KIRREL1: variants seen among roughly 807,000 people sequenced by gnomAD.
KIRREL1 encodes kin of IRRE-like protein 1.
Under a neutral mutation model 83.3 loss-of-function variants are expected in KIRREL1, and 25 were observed. The observed-to-expected ratio is 0.30, with a 90% CI of 0.22 to 0.42. KIRREL1 has a LOEUF of 0.42. KIRREL1 is among the 10% of genes least tolerant of loss of function. KIRREL1 has a pLI of 1.00. For missense variants in KIRREL1, 812 were observed against 1,032.3 expected (o/e 0.79, Z 2.92); for synonymous variants, 388 against 410.4 (o/e 0.95, Z 0.66).
intron 5 of KIRREL1, 93 bp downstream of exon 5, chr1:158,086,839 G>C (rs1012346907): frequency 4.1e-6 from 5 of 1,217,074 alleles, no homozygotes; most frequent in Non-Finnish European, 5.8e-6. Flanking sequence ...CACAAACTAA[G>C]AGTCCCCCTA....
intron 1 of KIRREL1, among the ~76,000 whole-genome samples, chr1:158,037,349 T>C (rs919127111): frequency 1.3e-5 from 2 of 151,982 alleles, no homozygotes; most frequent in Admixed American, 6.6e-5. Flanking sequence ...AAAAATTAGC[T>C]GGGCGTGGTG....
At chr1:158,068,566 T>C (rs1197793263) in intron 1 of KIRREL1, among the ~76,000 whole-genome samples, 1 of 152,198 alleles carries the variant, frequency 6.6e-6, no homozygotes, top group African/African-American at 2.4e-5. Flanking sequence ...CCAGGTTTCT[T>C]TCTCTGGATC....
chr1:158,032,533 AT>A (rs111326613), intron 1 of KIRREL1, among the ~76,000 whole-genome samples: 4,135 of 152,290 alleles, frequency 0.027, 163 homozygotes, highest in African/African-American at 0.086. Flanking sequence ...TGAAGGCAGA[AT>A]TTAAAAACTA....
intron 1 of KIRREL1, among the ~76,000 whole-genome samples, chr1:158,027,486 G>A (rs1170514260): frequency 6.6e-6 from 1 of 152,190 alleles, no homozygotes; most frequent in African/African-American, 2.4e-5. Context: ...AGAGGTTGGG[G>A]TATGGAGCTG....
chr1:158,058,979 G>T (rs1045223607), intron 1 of KIRREL1, among the ~76,000 whole-genome samples: 1 of 152,186 alleles, frequency 6.6e-6, no homozygotes, highest in Non-Finnish European at 1.5e-5. Context: ...AGAGGGAGTG[G>T]CAGGACCCGG....
intron 1 of KIRREL1, among the ~76,000 whole-genome samples, chr1:158,007,337 C>T (rs914344384): frequency 6.6e-6 from 1 of 151,978 alleles, no homozygotes; most frequent in Non-Finnish European, 1.5e-5. Flanking sequence ...GAACCTGGGC[C>T]CAGGTGGAAG....
At chr1:158,076,952 C>T (rs1418483837) in intron 2 of KIRREL1, among the ~76,000 whole-genome samples, 1 of 152,182 alleles carries the variant, frequency 6.6e-6, no homozygotes, top group Non-Finnish European at 1.5e-5. Flanking sequence ...GCTGGGTGAC[C>T]TTAGGAAAGC....
intron 1 of KIRREL1, among the ~76,000 whole-genome samples, chr1:158,012,536 T>C (rs1377467738): frequency 6.6e-6 from 1 of 151,992 alleles, no homozygotes; most frequent in African/African-American, 2.4e-5. Flanking sequence ...AATACTAACC[T>C]TTTTTTTGGT....
At chr1:158,088,550 T>C (rs1368846151) in intron 8 of KIRREL1, 96 bp downstream of exon 8, 8 of 1,099,192 alleles carry the variant, frequency 7.3e-6, no homozygotes, top group Non-Finnish European at 8.6e-6. Context: ...AGTGGCGCGA[T>C]CTCGGCTCAC....
At chr1:158,019,492 G>C (rs1447953834) in intron 1 of KIRREL1, among the ~76,000 whole-genome samples, 1 of 152,042 alleles carries the variant, frequency 6.6e-6, no homozygotes, top group Non-Finnish European at 1.5e-5. Context: ...ATGGCTGTTG[G>C]GGTGACTATA....
intron 1 of KIRREL1, among the ~76,000 whole-genome samples, chr1:158,003,647 T>C (rs1477896497): frequency 6.6e-6 from 1 of 152,094 alleles, no homozygotes; most frequent in African/African-American, 2.4e-5. Context: ...GGCAGCTACA[T>C]TGTGGTTGAT....
chr1:158,068,552 C>T (rs992747037), intron 1 of KIRREL1, among the ~76,000 whole-genome samples: 6 of 152,350 alleles, frequency 3.9e-5, no homozygotes, highest in African/African-American at 1.4e-4. Flanking sequence ...CTCCATGGCC[C>T]TTGCCAGGTT....
At chr1:158,009,496 A>G (rs537587742) in intron 1 of KIRREL1, among the ~76,000 whole-genome samples, 1 of 152,340 alleles carries the variant, frequency 6.6e-6, no homozygotes, top group East Asian at 1.9e-4. Context: ...ACCACCATAC[A>G]TGAAAGCACC....
At chr1:158,019,742 G>C (rs560694150) in intron 1 of KIRREL1, among the ~76,000 whole-genome samples, 58 of 152,268 alleles carry the variant, frequency 3.8e-4, no homozygotes, top group South Asian at 1.5e-3. Context: ...CAGAGCAAGA[G>C]AAAGAGGCAG....
chr1:158,097,259 A>C lies in KIRREL1; in HGVS notation c.*2139A>C. 1 of 296,184 alleles carries C rather than the reference A, an allele frequency of 3.4e-6. No homozygotes were observed. The highest frequency in any genetic ancestry group is 6.6e-6 in the Non-Finnish European group (1 of 152,102). The allele number at this position is 296,184 out of a possible 1,614,324, so 18.3% of individuals were successfully genotyped here. Reference sequence around the variant, plus strand: ...GCAAATTTCTATTATTTTCACAAAAACCAGAAACCATGGGGGAATCCAAAG... The same window carrying C: ...GCAAATTTCTATTATTTTCACAAAACCCAGAAACCATGGGGGAATCCAAAG... On this transcript the variant is annotated 3_prime_UTR_variant, in exon 15 of 15. Transcript: ENST00000359209.
At chr1:158,077,854 G>GGTGTCT in intron 2 of KIRREL1, 137 bp from the exon 3 acceptor site, 1 of 957,152 alleles carries the variant, frequency 1.0e-6, no homozygotes, top group East Asian at 2.5e-5. Context: ...CGTGGCATCA[G>GGTGTCT]GTGTCTGTGT....
In KIRREL1 at chr1:158,086,585, T is replaced by A. The variant is rs1364131541; in HGVS notation, c.511-11T>A. Reference sequence around the variant, plus strand: ...AGCTTAACCATATCTCCCACCCTTGTCATGTTCCAGGAATTGCTGAAGGAT... The same window carrying A: ...AGCTTAACCATATCTCCCACCCTTGACATGTTCCAGGAATTGCTGAAGGAT... On this transcript the variant is annotated splice_polypyrimidine_tract_variant and intron_variant, in intron 4 of 14. Transcript: ENST00000359209. The A allele has an allele frequency of 6.4e-7, 1 of 1,551,626 alleles. No homozygotes were observed. Among genetic ancestry groups the A allele is most frequent in the East Asian group, 2.4e-5 (1 of 40,880 alleles).
intron 1 of KIRREL1, among the ~76,000 whole-genome samples, chr1:158,042,676 C>T (rs1018269793): frequency 3.9e-5 from 6 of 152,108 alleles, no homozygotes; most frequent in Non-Finnish European, 7.4e-5. Flanking sequence ...TACGACTATT[C>T]CCCAGTTTTG....
At chr1:158,025,335 C>T (rs757074091) in intron 1 of KIRREL1, among the ~76,000 whole-genome samples, 3 of 151,990 alleles carry the variant, frequency 2.0e-5, no homozygotes, top group Admixed American at 6.6e-5. Flanking sequence ...AGAGAAAACT[C>T]GGGGAAACGA....
Sources: allele counts gnomAD v4.1 joint callset (sites outside exome capture counted in the v4.1 genomes callset), GRCh38; gene constraint gnomAD v4.1.1; transcripts MANE v1.5; gene names NCBI Gene and HGNC (gene_info 2026-07-23, HGNC 2026-07-21).